The following CELF2 variants were observed in gnomAD, a reference collection of about 807,000 sequenced individuals.
CELF2 encodes the protein CUGBP Elav-like family member 2.
A neutral mutation model predicts 62.6 loss-of-function variants in CELF2; 8 were observed. That is an observed-to-expected ratio of 0.13 (90% CI 0.07 to 0.23). The LOEUF is 0.23. CELF2 is among the 10% of genes least tolerant of loss of function. The pLI is 1.00. For missense variants in CELF2, 333 were observed against 671.0 expected, an observed-to-expected ratio of 0.50 and a Z score of 5.56; for synonymous variants, 258 against 250.0, an observed-to-expected ratio of 1.03 and a Z score of -0.30.
chr10:10,736,396 C>CTTTCTTTT, the CELF2 span, among the ~76,000 whole-genome samples: 5 of 76,012 alleles, frequency 6.6e-5, no homozygotes, highest in Admixed American at 6.9e-4. Context: ...TTCTTTCTTT[C>CTTTCTTTT]TTTTTTTTTT....
intron 1 of CELF2, among the ~76,000 whole-genome samples, chr10:11,090,617 C>T (rs1161604767): frequency 6.6e-6 from 1 of 152,094 alleles, no homozygotes; most frequent in Non-Finnish European, 1.5e-5. Flanking sequence ...AAATTAGAGG[C>T]AGCCTAAATA....
intron 1 of CELF2, among the ~76,000 whole-genome samples, chr10:11,105,986 G>A (rs1452793413): frequency 6.6e-6 from 1 of 152,202 alleles, no homozygotes; most frequent in Non-Finnish European, 1.5e-5. Context: ...AAGCTATGCA[G>A]GTATTCACTT....
chr10:10,948,108 A>C (rs2047903216), intron 2 of CELF2: 1 of 152,224 alleles, frequency 6.6e-6, no homozygotes, highest in South Asian at 2.1e-4. Flanking sequence ...ATACAGCTGG[A>C]AAGTGGGCAA....
intron 1 of CELF2, among the ~76,000 whole-genome samples, chr10:11,139,519 A>G (rs2060961075): frequency 1.3e-5 from 2 of 152,214 alleles, no homozygotes; most frequent in South Asian, 2.1e-4. Flanking sequence ...GGGCCATATC[A>G]GTGTTTTCTT....
At chr10:11,262,254 A>T (rs1002819388) in intron 5 of CELF2, among the ~76,000 whole-genome samples, 1 of 152,204 alleles carries the variant, frequency 6.6e-6, no homozygotes. Context: ...TGATCAGAAT[A>T]CAGGAATGGG....
At chr10:10,469,088 T>C in the CELF2 span, among the ~76,000 whole-genome samples, 1 of 151,934 alleles carries the variant, frequency 6.6e-6, no homozygotes, top group African/African-American at 2.4e-5. Context: ...TGCATAACGT[T>C]TTAGTGTCTT....
the CELF2 span, among the ~76,000 whole-genome samples, chr10:10,662,026 TGGAGAGTTGCGGG>T: frequency 1.3e-5 from 2 of 151,922 alleles, no homozygotes; most frequent in Admixed American, 6.6e-5. Flanking sequence ...AGGAGGCTCC[TGGAGAGTTGCGGG>T]GGGTGGAGGT....
chr10:10,942,254 C>G (rs1277937271), intron 2 of CELF2, among the ~76,000 whole-genome samples: 2 of 152,168 alleles, frequency 1.3e-5, no homozygotes, highest in African/African-American at 4.8e-5. Context: ...CATTTGTTAT[C>G]TCAGTTTCTT....
intron 2 of CELF2, among the ~76,000 whole-genome samples, chr10:11,206,534 G>A (rs12570743): frequency 0.16 from 24,227 of 152,206 alleles, 3,206 homozygotes; most frequent in East Asian, 0.64. Flanking sequence ...TATGGGAAGT[G>A]ATCTTGGTTT....
the CELF2 span, among the ~76,000 whole-genome samples, chr10:10,495,297 T>C: frequency 1.3e-5 from 2 of 152,058 alleles, no homozygotes; most frequent in Admixed American, 1.3e-4. Flanking sequence ...TTTACCTCTT[T>C]GTAAACAAGA....
chr10:10,629,045 C>T, the CELF2 span, among the ~76,000 whole-genome samples: 43,595 of 151,930 alleles, frequency 0.29, 7,060 homozygotes, highest in Non-Finnish European at 0.37. Flanking sequence ...CAGGGTATTC[C>T]ACTCTCCCTA....
intron 9 of CELF2, among the ~76,000 whole-genome samples, chr10:11,307,807 G>A (rs1475218818): frequency 1.3e-5 from 2 of 152,134 alleles, no homozygotes; most frequent in Non-Finnish European, 2.9e-5. Flanking sequence ...CAGTAGCAAT[G>A]GGGCTGGGCC....
At position 11,332,354 on chromosome 10, in the gene CELF2, ATC is replaced by A. The variant is rs1050313665; in HGVS notation, c.*3305_*3306del. ...TTCTAATCAGCCATTATGCTGGGGC[ATC>A]TCTGATCCCAGTAGGTACCTCTGAA... On this transcript the variant is annotated 3_prime_UTR_variant, in exon 13 of 13. Coordinates refer to ENST00000633077, the MANE Select transcript of CELF2 (RefSeq NM_001326342.2). 9.2e-5 allele frequency: 14 copies of A among 152,242 alleles called. No homozygotes were observed. The highest frequency in any genetic ancestry group is 1.9e-4 in the Non-Finnish European group (13 of 68,044). 9.4% of individuals were successfully genotyped at this position (152,242 alleles called of 1,614,324 possible). A position where few individuals can be genotyped will look rare whatever the true frequency, so the allele number is the denominator to read the frequency against.
At chr10:10,858,810 A>G (rs2059899044) in intron 1 of CELF2, among the ~76,000 whole-genome samples, 3 of 152,220 alleles carry the variant, frequency 2.0e-5, no homozygotes, top group Non-Finnish European at 4.4e-5. Context: ...CATTTAAATA[A>G]CATTATTCCT....
the CELF2 span, among the ~76,000 whole-genome samples, chr10:10,702,615 C>T: frequency 6.6e-6 from 1 of 152,202 alleles, no homozygotes. Context: ...GATGGAGTCT[C>T]ACTCTGTCAC....
At chr10:10,853,038 G>T (rs938084717) in intron 1 of CELF2, among the ~76,000 whole-genome samples, 1 of 152,174 alleles carries the variant, frequency 6.6e-6, no homozygotes, top group African/African-American at 2.4e-5. Flanking sequence ...GAGTGCAGTG[G>T]TGCAGTCTTG....
chr10:11,001,096 T>G (rs1473540509), upstream of CELF2, among the ~76,000 whole-genome samples: 1 of 152,250 alleles, frequency 6.6e-6, no homozygotes, highest in Non-Finnish European at 1.5e-5. Context: ...TATCACACAC[T>G]TGGTACACTG....
chr10:10,617,392 G>C, the CELF2 span, among the ~76,000 whole-genome samples: 2 of 152,128 alleles, frequency 1.3e-5, no homozygotes, highest in African/African-American at 2.4e-5. Flanking sequence ...AACTTGAAAG[G>C]CTACATGGTT....
chr10:10,659,705 T>A, the CELF2 span, among the ~76,000 whole-genome samples: 1 of 152,174 alleles, frequency 6.6e-6, no homozygotes, highest in Non-Finnish European at 1.5e-5. Context: ...GTTGTCAGCA[T>A]GAGGACTATT....
Sources: allele counts gnomAD v4.1 joint callset (sites outside exome capture counted in the v4.1 genomes callset), GRCh38; gene constraint gnomAD v4.1.1; transcripts MANE v1.5; gene names NCBI Gene and HGNC (gene_info 2026-07-23, HGNC 2026-07-21).